Variants in TBX19 observed in about 807,000 individuals in gnomAD.
TBX19 encodes the protein T-box transcription factor 19.
A neutral mutation model predicts 40.9 loss-of-function variants in TBX19; 33 were observed. That is an observed-to-expected ratio of 0.81 (90% CI 0.61 to 1.08). TBX19 has a LOEUF of 1.08. Ranked by LOEUF, TBX19 falls within the 50% of genes least tolerant of loss-of-function variation. TBX19 has a pLI of 0.00. For synonymous variants in TBX19, 220 were observed against 225.0 expected, an observed-to-expected ratio of 0.98 and a Z score of 0.20; for missense variants, 494 against 574.0, an observed-to-expected ratio of 0.86 and a Z score of 1.42.
At position 168,312,490 on chromosome 1, in the gene TBX19, G is replaced by A. The variant is rs1360904797; in HGVS notation, c.1053-218G>A. On this transcript the variant is annotated intron_variant, in intron 7 of 7. Coordinates refer to ENST00000367821, the MANE Select transcript of TBX19 (RefSeq NM_005149.3). ...TTCGCTGGTGGCCGGGCCAGTACCA[G>A]AATACTTAATCTTATCATTATTCCA... Among the ~76,000 whole-genome samples the A allele has an allele frequency of 2.0e-5, 3 of 152,348 alleles. No homozygotes were observed. In the East Asian group the frequency reaches 5.8e-4, roughly 29 times the overall value.
intron 1 of TBX19, 118 bp downstream of exon 1, chr1:168,281,411 G>C (rs1648646170): frequency 1.1e-6 from 1 of 935,456 alleles, no homozygotes; most frequent in Non-Finnish European, 1.7e-6. Context: ...GATTAAACAT[G>C]CTTACAGGAA....
At chr1:168,301,654 A>G (rs1363030146) in intron 5 of TBX19, among the ~76,000 whole-genome samples, 3 of 152,228 alleles carry the variant, frequency 2.0e-5, no homozygotes, top group African/African-American at 7.2e-5. Flanking sequence ...AAGTTTGAGG[A>G]CTACAGCTTG....
chr1:168,291,457 C>T, intron 2 of TBX19, 33 bp downstream of exon 2: 2 of 1,613,936 alleles, frequency 1.2e-6, no homozygotes, highest in Non-Finnish European at 1.7e-6. Flanking sequence ...TGGCCACCCG[C>T]TCCGGCCTCC....
At chr1:168,293,739 A>G (rs534590369) in intron 3 of TBX19, among the ~76,000 whole-genome samples, 1 of 152,150 alleles carries the variant, frequency 6.6e-6, no homozygotes, top group Non-Finnish European at 1.5e-5. Context: ...TTAATGTTCA[A>G]TATCAGCACA....
At chr1:168,281,387 A>ATCCC in intron 1 of TBX19, 94 bp downstream of exon 1, 1 of 1,177,052 alleles carries the variant, frequency 8.5e-7, no homozygotes, top group Non-Finnish European at 1.3e-6. Context: ...CTTCACTCAG[A>ATCCC]GGCGGCGGGA....
intron 1 of TBX19, among the ~76,000 whole-genome samples, chr1:168,283,436 G>T (rs1037049387): frequency 1.2e-4 from 18 of 152,114 alleles, no homozygotes; most frequent in African/African-American, 4.3e-4. Context: ...ATAAGAAATT[G>T]ATGTACTTAA....
At chr1:168,287,340 A>G (rs902648442) in intron 1 of TBX19, among the ~76,000 whole-genome samples, 1 of 152,118 alleles carries the variant, frequency 6.6e-6, no homozygotes, top group Non-Finnish European at 1.5e-5. Context: ...ATTCCTTCTC[A>G]TTATTTAGGT....
chr1:168,307,254 G>A (rs945994540), intron 6 of TBX19, among the ~76,000 whole-genome samples: 5 of 152,122 alleles, frequency 3.3e-5, no homozygotes, highest in Non-Finnish European at 7.4e-5. Flanking sequence ...ACTTGAGATT[G>A]GGTAATTTAT....
chr1:168,285,935 T>C (rs1648792999), intron 1 of TBX19, among the ~76,000 whole-genome samples: 1 of 152,174 alleles, frequency 6.6e-6, no homozygotes, highest in Non-Finnish European at 1.5e-5. Flanking sequence ...GGAGGGGAAC[T>C]TGGCTTGGAG....
At chr1:168,302,532 C>A (rs1048906719) in intron 5 of TBX19, among the ~76,000 whole-genome samples, 4 of 152,128 alleles carry the variant, frequency 2.6e-5, no homozygotes, top group African/African-American at 7.2e-5. Context: ...GCCTGCAGTA[C>A]TAAGTCTCAG....
intron 2 of TBX19, among the ~76,000 whole-genome samples, chr1:168,292,743 A>G (rs1212182345): frequency 6.6e-6 from 1 of 151,466 alleles, no homozygotes. Flanking sequence ...GGGCGCCTGT[A>G]GTCCCAGCTA....
chr1:168,292,994 G>A, intron 2 of TBX19, 150 bp from the exon 3 acceptor site: 1 of 1,218,162 alleles, frequency 8.2e-7, no homozygotes, highest in Non-Finnish European at 1.2e-6. Flanking sequence ...TTAGAGGTGT[G>A]GTGGCAGCTC....
intron 7 of TBX19, among the ~76,000 whole-genome samples, chr1:168,311,358 TACCTC>T (rs1166948646): frequency 1.3e-5 from 2 of 152,208 alleles, no homozygotes; most frequent in South Asian, 4.1e-4. Flanking sequence ...CAGTAAGCAG[TACCTC>T]TCAGAGCCCA....
chr1:168,306,688 A>G (rs966580820), intron 6 of TBX19, among the ~76,000 whole-genome samples: 2 of 152,046 alleles, frequency 1.3e-5, no homozygotes, highest in Non-Finnish European at 1.5e-5. Flanking sequence ...GGTTACACAA[A>G]TACGTAAATA....
At chr1:168,287,120 C>T (rs942753666) in intron 1 of TBX19, among the ~76,000 whole-genome samples, 2 of 152,184 alleles carry the variant, frequency 1.3e-5, no homozygotes, top group Non-Finnish European at 2.9e-5. Flanking sequence ...TATGAGACCT[C>T]ACATAATATA....
chr1:168,298,831 CTTTCTTTCT>C (rs1649190655), intron 4 of TBX19, among the ~76,000 whole-genome samples: 3 of 34,556 alleles, frequency 8.7e-5, no homozygotes, highest in African/African-American at 3.6e-4. Context: ...TCCTTTCTTT[CTTTCTTTCT>C]TTCTTTCTTT....
chr1:168,308,788 A>T lies in TBX19; in HGVS notation c.963A>T (p.Gly321=), dbSNP rs1307147482. 9 of 1,613,940 alleles carry T rather than the reference A, an allele frequency of 5.6e-6. No homozygotes were observed. The highest frequency in any genetic ancestry group is 1.3e-5 in the African/African-American group (1 of 74,868). The part of the protein sequence containing the change: ...SSSNNLQVFS[G]PDSWTSLSST... ...GCAATAATCTGCAAGTTTTCTCGGG[A>T]CCTGACAGCTGGACTTCCTTATCCT... Residue 321 remains glycine, a synonymous_variant, in exon 7 of 8, where the codon GGA becomes GGT. Coordinates refer to ENST00000367821, the MANE Select transcript of TBX19 (RefSeq NM_005149.3).
chr1:168,297,745 T>C lies in TBX19; in HGVS notation c.625T>C (p.Tyr209His). Residue 209 changes from tyrosine to histidine, a missense_variant, in exon 4 of 8, where the codon TAC becomes CAC. Tyr to His is a moderately conservative substitution (Grantham distance 83, BLOSUM62 2). This residue lies in a region of TBX19 where 284 missense variants were observed against 307.3 expected (regional missense o/e 0.92). Transcript: ENST00000367821. Reference sequence around the variant, plus strand: ...CAAGATAACGGCTCTCAAAATCAAGTACAATCCTTTTGCCAAAGCCTTCTT... The same window carrying C: ...CAAGATAACGGCTCTCAAAATCAAGCACAATCCTTTTGCCAAAGCCTTCTT... Reference protein sequence around the residue: ...NEEITALKIKYNPFAKAFLDA... With the variant: ...NEEITALKIKHNPFAKAFLDA... 1 of 1,614,176 alleles carries C rather than the reference T, an allele frequency of 6.2e-7. No individual in the cohort carries two copies. Among genetic ancestry groups the C allele is most frequent in the East Asian group, 2.2e-5 (1 of 44,884 alleles).
chr1:168,289,461 A>G (rs1015127692), intron 1 of TBX19, among the ~76,000 whole-genome samples: 30 of 152,198 alleles, frequency 2.0e-4, no homozygotes, highest in Admixed American at 6.5e-5. Flanking sequence ...TAAAAGTGCA[A>G]TCATCTCACT....
Sources: allele counts gnomAD v4.1 joint callset (sites outside exome capture counted in the v4.1 genomes callset), GRCh38; gene constraint gnomAD v4.1.1; regional missense constraint gnomAD v4.1.1; transcripts MANE v1.5; gene names NCBI Gene and HGNC (gene_info 2026-07-23, HGNC 2026-07-21).